The following AP3B1 variants were observed in gnomAD, a reference collection of about 807,000 sequenced individuals.
AP3B1 encodes the protein adaptor related protein complex 3 subunit beta 1.
AP3B1 carries 61 observed loss-of-function variants against 132.5 expected under a neutral mutation model. The ratio of observed to expected loss-of-function variants is 0.46; its 90% CI spans 0.37 to 0.57. The LOEUF is 0.57. Among genes scored for constraint, AP3B1 ranks in the 20% least tolerant of loss-of-function variants. The pLI is 0.00. For synonymous variants in AP3B1, 388 were observed against 438.3 expected (o/e 0.89, Z 1.43); for missense variants, 1,120 against 1,289.4 (o/e 0.87, Z 2.01).
At chr5:78,088,268 T>A (rs977602711) in intron 22 of AP3B1, among the ~76,000 whole-genome samples, 1 of 152,214 alleles carries the variant, frequency 6.6e-6, no homozygotes, top group Non-Finnish European at 1.5e-5. Flanking sequence ...TATCTTTTAA[T>A]GTGTCTTTTC....
intron 14 of AP3B1, among the ~76,000 whole-genome samples, chr5:78,147,868 T>C (rs1319464004): frequency 6.6e-6 from 1 of 152,090 alleles, no homozygotes; most frequent in Non-Finnish European, 1.5e-5. Context: ...ACCCCATCTC[T>C]ACTAAAAACA....
At chr5:78,294,374 G>T in intron 1 of AP3B1, 78 bp downstream of exon 1, 2 of 1,606,806 alleles carry the variant, frequency 1.2e-6, no homozygotes, top group Non-Finnish European at 1.7e-6. Flanking sequence ...TCCTCTCCAG[G>T]AAGCCCACCC....
intron 22 of AP3B1, among the ~76,000 whole-genome samples, chr5:78,056,486 G>A (rs1228645510): frequency 6.6e-6 from 1 of 152,182 alleles, no homozygotes; most frequent in Non-Finnish European, 1.5e-5. Flanking sequence ...GCAGGGTCCT[G>A]AGATTAAAAG....
intron 7 of AP3B1, among the ~76,000 whole-genome samples, chr5:78,208,249 G>T (rs1219536745): frequency 6.6e-6 from 1 of 152,132 alleles, no homozygotes; most frequent in Non-Finnish European, 1.5e-5. Context: ...CATATCTCCT[G>T]GGAAGAAAAT....
chr5:78,097,303 C>A, intron 21 of AP3B1, among the ~76,000 whole-genome samples: 1 of 137,330 alleles, frequency 7.3e-6, no homozygotes, highest in African/African-American at 2.7e-5. Flanking sequence ...CAGCCCCCCG[C>A]CCGGCCAGCA....
chr5:78,252,168 G>A (rs1747665312), intron 2 of AP3B1, among the ~76,000 whole-genome samples: 1 of 152,206 alleles, frequency 6.6e-6, no homozygotes, highest in Non-Finnish European at 1.5e-5. Flanking sequence ...CTTGGGCCCT[G>A]AATAACCAGC....
At chr5:78,012,879 A>G (rs367563465) in intron 26 of AP3B1, among the ~76,000 whole-genome samples, 6 of 152,236 alleles carry the variant, frequency 3.9e-5, no homozygotes, top group African/African-American at 1.4e-4. Context: ...AATTTAAATC[A>G]TTTGAGCAGG....
chr5:78,231,204 C>A (rs10079677), intron 3 of AP3B1, among the ~76,000 whole-genome samples: 3 of 151,968 alleles, frequency 2.0e-5, no homozygotes, highest in Non-Finnish European at 4.4e-5. Flanking sequence ...CAAAGTCTCA[C>A]TCTGTCACCA....
intron 22 of AP3B1, among the ~76,000 whole-genome samples, chr5:78,060,926 TAAG>T (rs904597073): frequency 2.6e-5 from 4 of 152,164 alleles, no homozygotes; most frequent in Admixed American, 1.3e-4. Context: ...CTTGGAGGAC[TAAG>T]AAGAGAGAAA....
chr5:78,151,012 A>C (rs549535693), intron 14 of AP3B1, among the ~76,000 whole-genome samples: 1 of 152,166 alleles, frequency 6.6e-6, no homozygotes. Context: ...TCCACCTCCC[A>C]TGTTCCACCG....
intron 1 of AP3B1, among the ~76,000 whole-genome samples, chr5:78,293,798 G>A (rs1485954020): frequency 6.6e-6 from 1 of 151,674 alleles, no homozygotes; most frequent in Non-Finnish European, 1.5e-5. Context: ...TTTAACATTC[G>A]TTTTTAAAAT....
At chr5:78,137,253 A>C (rs1752960154) in intron 15 of AP3B1, among the ~76,000 whole-genome samples, 1 of 152,160 alleles carries the variant, frequency 6.6e-6, no homozygotes, top group African/African-American at 2.4e-5. Flanking sequence ...TCAAGGTACA[A>C]ACTCAGTCTC....
chr5:78,020,043 C>A (rs1302289779), intron 25 of AP3B1, among the ~76,000 whole-genome samples: 2 of 152,002 alleles, frequency 1.3e-5, no homozygotes, highest in South Asian at 2.1e-4. Context: ...CGAAAAAAAA[C>A]CACCTCGTTT....
At chr5:78,064,889 A>G (rs1749214524) in intron 22 of AP3B1, among the ~76,000 whole-genome samples, 1 of 152,212 alleles carries the variant, frequency 6.6e-6, no homozygotes, top group Non-Finnish European at 1.5e-5. Flanking sequence ...GTAATAAACT[A>G]ACATATTAAC....
At chr5:78,284,790 G>A (rs1241014129) in intron 1 of AP3B1, among the ~76,000 whole-genome samples, 1 of 152,110 alleles carries the variant, frequency 6.6e-6, no homozygotes, top group East Asian at 1.9e-4. Flanking sequence ...CAATTCTCCA[G>A]CAATTTTCCT....
chr5:78,285,366 C>T (rs1050883738), intron 1 of AP3B1, among the ~76,000 whole-genome samples: 8 of 152,168 alleles, frequency 5.3e-5, no homozygotes, highest in Non-Finnish European at 1.2e-4. Context: ...CCAAAGTCCA[C>T]CCAGTGACAA....
chr5:78,093,134 T>C lies in AP3B1; in HGVS notation c.2471-3635A>G, dbSNP rs145108560. Among the ~76,000 whole-genome samples, 674 of 152,386 alleles carry C rather than the reference T, an allele frequency of 4.4e-3. 3 individuals are homozygous for C. The highest frequency in any genetic ancestry group is 0.013 in the Admixed American group (198 of 15,304). ...GCTAAATTCCCAACAACAGTAAATC[T>C]GTTAAACAGAATTTGTTCTAACAGG... On this transcript the variant is annotated intron_variant, in intron 21 of 26. Transcript: ENST00000255194.
In AP3B1 at chr5:78,003,039, C is replaced by T. The variant is rs893494247; in HGVS notation, c.3148G>A (p.Val1050Met). Residue 1050 changes from valine to methionine, a missense_variant, in exon 27 of 27, where the codon GTG becomes ATG. Val to Met is a conservative substitution (Grantham distance 21). Transcript: ENST00000255194. ...ACTAGCATCAATGACCCACTGTGCA[C>T]AGTTTTAGCTGCAAACCTGGAAGAG... ...DNIHRFAAKT[V>M]HSGSLMLVTV... The T allele has an allele frequency of 2.5e-6, 4 of 1,614,168 alleles. No individual in the cohort carries two copies. The highest frequency in any genetic ancestry group is 3.4e-6 in the Non-Finnish European group (4 of 1,180,018).
chr5:78,294,661 A>T lies in AP3B1; in HGVS notation c.-82T>A. ...TCCAGTCCAGAGGGCACGGAACAAA[A>T]CTAGTTCTCGTACGGAGGAGCGCGC... On this transcript the variant is annotated 5_prime_UTR_variant, in exon 1 of 27. Transcript: ENST00000255194. 1.2e-6 allele frequency: 2 copies of T among 1,603,018 alleles called. No individual in the cohort carries two copies. Among genetic ancestry groups the T allele is most frequent in the Non-Finnish European group, 1.7e-6 (2 of 1,175,748 alleles).
Sources: gnomAD v4.1 joint callset for allele counts (sites outside exome capture counted in the v4.1 genomes callset) on GRCh38, gnomAD v4.1.1 for gene constraint, MANE v1.5 for transcripts, NCBI Gene and HGNC (gene_info 2026-07-23, HGNC 2026-07-21) for gene names.